The following CEP55 variants were observed in gnomAD, a reference collection of about 807,000 sequenced individuals.
CEP55 encodes centrosomal protein of 55 kDa.
CEP55 carries 57 observed loss-of-function variants against 63.2 expected under a neutral mutation model. The observed-to-expected ratio is 0.90, with a 90% CI of 0.73 to 1.13. The LOEUF (loss-of-function observed/expected upper bound fraction) is 1.13. Ranked by LOEUF, CEP55 falls within the 50% of genes most tolerant of loss-of-function variation. The pLI is 0.00. For synonymous variants in CEP55, 178 were observed against 191.6 expected (o/e 0.93, Z 0.59); for missense variants, 456 against 518.9 (o/e 0.88, Z 1.18).
chr10:93,516,988 A>T lies in CEP55; in HGVS notation c.733A>T (p.Lys245Ter). The change falls in exon 6 of 9, where the codon AAA becomes TAA. Residue 245 changes from lysine to a stop codon, truncating the protein, a stop_gained. Coordinates refer to ENST00000371485, the MANE Select transcript of CEP55 (RefSeq NM_018131.5). LOFTEE classifies it high-confidence loss of function. ...TTACAACGATCTCTTGGCAAGTGCA[A>T]AAAAAGATCTTGAGGTTGAACGACA... ...KCYNDLLASA[K>*]KDLEVERQTI... 8.1e-6 allele frequency: 13 copies of T among 1,603,984 alleles called. No individual in the cohort carries two copies. Among genetic ancestry groups the T allele is most frequent in the Non-Finnish European group, 1.1e-5 (13 of 1,172,912 alleles).
rs2057591535 is a variant in CEP55 at position 93,498,041 on chromosome 10, G to C, written c.-13+1118G>C. 2.6e-5 allele frequency among the ~76,000 whole-genome samples: 4 copies of C among 151,998 alleles called. No homozygotes were observed. The South Asian group carries it at 8.3e-4, about 32-fold the overall frequency. ...GGAGGCTGAGGCAGGAGAATCCCTT[G>C]AACCCGGGAGGCGGAGGTTGCAGTG... On this transcript the variant is annotated intron_variant, in intron 1 of 8. Transcript: ENST00000371485.
intron 8 of CEP55, among the ~76,000 whole-genome samples, chr10:93,524,359 G>C (rs1045371809): frequency 5.9e-5 from 9 of 152,004 alleles, no homozygotes; most frequent in South Asian, 2.1e-4. Flanking sequence ...TAAATTCCTC[G>C]ACACATACAC....
chr10:93,511,318 A>C (rs2057745889), intron 4 of CEP55, among the ~76,000 whole-genome samples: 1 of 152,166 alleles, frequency 6.6e-6, no homozygotes, highest in Admixed American at 6.6e-5. Context: ...ATGCATGCCT[A>C]ACAAACGTAT....
intron 1 of CEP55, among the ~76,000 whole-genome samples, chr10:93,499,555 T>C (rs2057610331): frequency 6.8e-6 from 1 of 147,700 alleles, no homozygotes; most frequent in African/African-American, 2.5e-5. Flanking sequence ...GGAGTCTTGC[T>C]GTGTCACCCA....
At chr10:93,514,408 AAG>A (rs2134479026) in intron 4 of CEP55, among the ~76,000 whole-genome samples, 1 of 152,338 alleles carries the variant, frequency 6.6e-6, no homozygotes, top group South Asian at 2.1e-4. Context: ...GTTGGTAGTA[AAG>A]AGAGAAGGTA....
chr10:93,516,842 A>G, intron 5 of CEP55, 93 bp from the exon 6 acceptor site: 1 of 880,184 alleles, frequency 1.1e-6, no homozygotes, highest in Non-Finnish European at 1.7e-6. Context: ...AACTAAGGAA[A>G]TAGTGTGATT....
At chr10:93,499,101 A>C (rs1438905224) in intron 1 of CEP55, among the ~76,000 whole-genome samples, 1 of 152,226 alleles carries the variant, frequency 6.6e-6, no homozygotes, top group Non-Finnish European at 1.5e-5. Context: ...TACTGTTAGC[A>C]GATACTGAGT....
rs946006234 is a variant in CEP55, at chr10:93,509,216, C to T, written c.528+2160C>T. ...AACTTTGAAATACTACATATGTAAG[C>T]CCAAGCTTTTTGTTCTATCTTCTCA... On this transcript the variant is annotated intron_variant, in intron 4 of 8. Coordinates refer to ENST00000371485, the MANE Select transcript of CEP55 (RefSeq NM_018131.5). Among the ~76,000 whole-genome samples, 2 of 151,974 alleles carry T rather than the reference C, an allele frequency of 1.3e-5. 1 individual carries two copies. Among genetic ancestry groups the T allele is most frequent in the South Asian group, 4.1e-4 (2 of 4,828 alleles).
rs2057719586 is a variant in CEP55 at position 93,509,384 on chromosome 10, G to A, written c.528+2328G>A. Among the ~76,000 whole-genome samples, 4 of 152,062 alleles carry A rather than the reference G, an allele frequency of 2.6e-5. No homozygotes were observed. In the South Asian group the frequency reaches 6.2e-4, roughly 24 times the overall value. ...CAGACTCTAATATACTAGGTCTGGG[G>A]TAGTGCCTGAGTTTTCTGCATTTCC... On this transcript the variant is annotated intron_variant, in intron 4 of 8. Transcript: ENST00000371485.
At chr10:93,509,924 A>T (rs1430468848) in intron 4 of CEP55, among the ~76,000 whole-genome samples, 1 of 152,212 alleles carries the variant, frequency 6.6e-6, no homozygotes, top group Non-Finnish European at 1.5e-5. Context: ...TTCTTGCAGC[A>T]CCGACACTGG....
At chr10:93,520,828 G>A (rs2057853349) in intron 8 of CEP55, among the ~76,000 whole-genome samples, 1 of 152,088 alleles carries the variant, frequency 6.6e-6, no homozygotes, top group Admixed American at 6.5e-5. Context: ...ATAAAAGAAA[G>A]AAAATATATT....
At chr10:93,517,393 T>C (rs2057816132) in intron 6 of CEP55, 145 bp downstream of exon 6, 3 of 579,038 alleles carry the variant, frequency 5.2e-6, no homozygotes, top group African/African-American at 1.9e-5. Flanking sequence ...AAACAGACCA[T>C]AAACAATAAA....
chr10:93,503,247 GACA>G lies in CEP55; in HGVS notation c.321_323del (p.Thr108del), dbSNP rs757061187. ...CCACATTGCTTGAACAGCTGGAAGA[GACA>G]ACGAGAGAAGGAGAAAGGAGGGAGC... On this transcript the variant is annotated inframe_deletion, in exon 3 of 9. Coordinates refer to ENST00000371485, the MANE Select transcript of CEP55 (RefSeq NM_018131.5). 1.2e-5 allele frequency: 20 copies of G among 1,614,002 alleles called. No homozygotes were observed. In the Admixed American group the frequency reaches 1.7e-4, roughly 13 times the overall value.
chr10:93,526,834 C>G (rs1259227229), intron 8 of CEP55, among the ~76,000 whole-genome samples: 1 of 151,910 alleles, frequency 6.6e-6, no homozygotes, highest in Non-Finnish European at 1.5e-5. Context: ...ATCACAAGGA[C>G]AAAAAATCAA....
At chr10:93,519,114 C>T in intron 7 of CEP55, 166 bp downstream of exon 7, 2 of 552,628 alleles carry the variant, frequency 3.6e-6, no homozygotes, top group South Asian at 5.1e-5. Flanking sequence ...TTTCAAGAGA[C>T]TCTGCTAGCC....
chr10:93,519,920 A>G (rs1163479172), intron 8 of CEP55, 113 bp downstream of exon 8: 16 of 1,161,154 alleles, frequency 1.4e-5, no homozygotes, highest in East Asian at 4.7e-5. Flanking sequence ...ATCTCAAATC[A>G]GTAGGTAGAG....
chr10:93,525,210 T>C (rs2057908950), intron 8 of CEP55, among the ~76,000 whole-genome samples: 1 of 151,968 alleles, frequency 6.6e-6, no homozygotes, highest in Non-Finnish European at 1.5e-5. Flanking sequence ...CAGCCCAAAA[T>C]CTCCTTAAGC....
At chr10:93,503,779 G>T (rs773902449) in intron 3 of CEP55, among the ~76,000 whole-genome samples, 4 of 152,008 alleles carry the variant, frequency 2.6e-5, no homozygotes, top group African/African-American at 4.8e-5. Context: ...TTTCCTAACT[G>T]CACTTGCATT....
At chr10:93,509,468 C>CATTATTATTATT (rs10606106) in intron 4 of CEP55, among the ~76,000 whole-genome samples, 2,583 of 147,218 alleles carry the variant, frequency 0.018, 41 homozygotes, top group African/African-American at 0.041. Flanking sequence ...GAACCATTAA[C>CATTATTATTATT]ATTATTATTA....
Sources: gnomAD v4.1 joint callset for allele counts (sites outside exome capture counted in the v4.1 genomes callset) on GRCh38, gnomAD v4.1.1 for gene constraint, MANE v1.5 for transcripts, NCBI Gene and HGNC (gene_info 2026-07-23, HGNC 2026-07-21) for gene names.